The following RALGPS1 variants were observed in gnomAD, a reference collection of about 807,000 sequenced individuals.
RALGPS1 encodes ras-specific guanine nucleotide-releasing factor RalGPS1.
Under a neutral mutation model 78.8 loss-of-function variants are expected in RALGPS1, and 19 were observed. The observed-to-expected ratio is 0.24, with a 90% CI of 0.17 to 0.35. The LOEUF is 0.35. Among genes scored for constraint, RALGPS1 ranks in the 10% least tolerant of loss-of-function variants. RALGPS1 has a pLI of 1.00. For missense variants in RALGPS1, 454 were observed against 688.3 expected, an observed-to-expected ratio of 0.66 and a Z score of 3.81; for synonymous variants, 228 against 256.3, an observed-to-expected ratio of 0.89 and a Z score of 1.06.
At chr9:126,924,220 A>G (rs1055248703) in intron 1 of RALGPS1, among the ~76,000 whole-genome samples, 2 of 152,234 alleles carry the variant, frequency 1.3e-5, no homozygotes, top group Non-Finnish European at 2.9e-5. Context: ...ACGGTGAAGC[A>G]TTTATCCCAG....
At chr9:127,120,333 A>G (rs180706554) in intron 8 of RALGPS1, among the ~76,000 whole-genome samples, 122 of 152,298 alleles carry the variant, frequency 8.0e-4, no homozygotes, top group African/African-American at 2.8e-3. Context: ...ATATGTCTGC[A>G]CTTTTTCTTA....
At chr9:127,064,030 C>A (rs574033213) in intron 7 of RALGPS1, among the ~76,000 whole-genome samples, 1 of 152,224 alleles carries the variant, frequency 6.6e-6, no homozygotes, top group South Asian at 2.1e-4. Context: ...CTCCTGGAGT[C>A]CATAATTTGT....
At chr9:126,985,735 ACTTTTCC>A (rs1477393610) in intron 4 of RALGPS1, among the ~76,000 whole-genome samples, 1 of 152,136 alleles carries the variant, frequency 6.6e-6, no homozygotes, top group Non-Finnish European at 1.5e-5. Context: ...TCTCCCCTGG[ACTTTTCC>A]CTTAAAGGTC....
chr9:126,923,525 G>A (rs2034972097), intron 1 of RALGPS1, among the ~76,000 whole-genome samples: 1 of 152,196 alleles, frequency 6.6e-6, no homozygotes, highest in Non-Finnish European at 1.5e-5. Flanking sequence ...TTGAGGAGTT[G>A]AGTTAAATTT....
At chr9:127,045,285 G>T (rs754849975) in intron 5 of RALGPS1, among the ~76,000 whole-genome samples, 6 of 152,168 alleles carry the variant, frequency 3.9e-5, no homozygotes, top group Admixed American at 3.9e-4. Flanking sequence ...TGTAATAAAA[G>T]AATCTATTAT....
At chr9:126,994,470 A>G (rs887720723) in intron 4 of RALGPS1, among the ~76,000 whole-genome samples, 2 of 152,230 alleles carry the variant, frequency 1.3e-5, no homozygotes, top group Non-Finnish European at 2.9e-5. Flanking sequence ...CAAGAAGAGA[A>G]GTTTAGAGAA....
chr9:127,084,007 C>T (rs1263303327), intron 8 of RALGPS1, among the ~76,000 whole-genome samples: 1 of 152,088 alleles, frequency 6.6e-6, no homozygotes, highest in Non-Finnish European at 1.5e-5. Flanking sequence ...GCCTCCTGGG[C>T]TGAAGTGAGC....
chr9:126,954,866 C>T (rs2038197487), intron 1 of RALGPS1, among the ~76,000 whole-genome samples: 1 of 152,202 alleles, frequency 6.6e-6, no homozygotes, highest in African/African-American at 2.4e-5. Context: ...ACCCCAGCTC[C>T]TCACCATGGC....
intron 8 of RALGPS1, among the ~76,000 whole-genome samples, chr9:127,127,289 C>T (rs2056683898): frequency 6.6e-6 from 1 of 152,172 alleles, no homozygotes; most frequent in Non-Finnish European, 1.5e-5. Context: ...CCACTGATTT[C>T]AAGCAGGTCT....
At position 127,030,391 on chromosome 9, in the gene RALGPS1, G is replaced by C. The variant is rs139258068; in HGVS notation, c.217-4040G>C. 6.3e-3 allele frequency among the ~76,000 whole-genome samples: 960 copies of C among 152,296 alleles called. 9 individuals are homozygous for C. The highest frequency in any genetic ancestry group is 0.01 in the Middle Eastern group (3 of 294). On this transcript the variant is annotated intron_variant, in intron 4 of 18. Transcript: ENST00000259351. ...AGACTAAGAGTGAGGGGCCCGAAAG[G>C]TGGGGAGACAACAGGAGAACACAGT...
intron 1 of RALGPS1, among the ~76,000 whole-genome samples, chr9:126,927,638 C>G (rs2035413362): frequency 1.3e-5 from 2 of 152,210 alleles, no homozygotes; most frequent in Admixed American, 1.3e-4. Flanking sequence ...CAGACAGTCT[C>G]TACCCCCTTC....
chr9:126,972,477 T>C (rs2040209108), intron 3 of RALGPS1, among the ~76,000 whole-genome samples: 1 of 152,208 alleles, frequency 6.6e-6, no homozygotes, highest in Non-Finnish European at 1.5e-5. Context: ...GTAACCCCAG[T>C]GAATGAAAAT....
At chr9:127,019,918 T>G (rs1206790689) in intron 4 of RALGPS1, among the ~76,000 whole-genome samples, 1 of 152,154 alleles carries the variant, frequency 6.6e-6, no homozygotes, top group East Asian at 1.9e-4. Flanking sequence ...TTCTAAGTTG[T>G]TTTTCTCTTT....
intron 3 of RALGPS1, among the ~76,000 whole-genome samples, chr9:126,966,638 C>T (rs533137057): frequency 6.6e-6 from 1 of 150,600 alleles, no homozygotes; most frequent in Non-Finnish European, 1.5e-5. Flanking sequence ...TATAGCCAAA[C>T]ATATTATTTA....
intron 2 of RALGPS1, among the ~76,000 whole-genome samples, chr9:126,965,223 G>A (rs997536298): frequency 6.6e-6 from 1 of 152,156 alleles, no homozygotes; most frequent in Non-Finnish European, 1.5e-5. Context: ...AAGCCAGTTG[G>A]TTACCTCTCA....
At chr9:127,016,310 G>A (rs1589032162) in intron 4 of RALGPS1, among the ~76,000 whole-genome samples, 2 of 152,152 alleles carry the variant, frequency 1.3e-5, no homozygotes, top group Non-Finnish European at 2.9e-5. Context: ...ACTTAATAAC[G>A]TTTTTATGTA....
At chr9:127,026,124 G>T (rs1448758482) in intron 4 of RALGPS1, among the ~76,000 whole-genome samples, 1 of 152,150 alleles carries the variant, frequency 6.6e-6, no homozygotes. Flanking sequence ...ATAATAGGCT[G>T]TCTGCAAGCT....
intron 11 of RALGPS1, among the ~76,000 whole-genome samples, chr9:127,193,433 G>T (rs1275319342): frequency 6.6e-6 from 1 of 152,128 alleles, no homozygotes; most frequent in Non-Finnish European, 1.5e-5. Flanking sequence ...GAAGGAGAAG[G>T]TGCCTGTGCA....
Position 127,218,653 on chromosome 9 carries a change from A to C in RALGPS1, c.1645-87A>C. 1.8e-5 allele frequency: 24 copies of C among 1,367,174 alleles called. No individual in the cohort carries two copies. The highest frequency in any genetic ancestry group is 2.4e-5 in the Non-Finnish European group (23 of 955,202). 84.7% of individuals were successfully genotyped at this position (1,367,174 alleles called of 1,614,324 possible). A position where few individuals can be genotyped will look rare whatever the true frequency, so the allele number is the denominator to read the frequency against. On this transcript the variant is annotated intron_variant, in intron 18 of 18. Coordinates refer to ENST00000259351, the MANE Select transcript of RALGPS1 (RefSeq NM_014636.3). The surrounding 1 kb of genome is among the most constrained non-coding windows in gnomAD (Gnocchi z 4.4). The stretch of plus-strand genomic sequence containing the variant: ...CTGCTCATTCCCAGACTCACGGGGA[A>C]AGGCCTGTCCCTTCCCCTAGGGACC...
Sources: allele counts gnomAD v4.1 joint callset (sites outside exome capture counted in the v4.1 genomes callset), GRCh38; gene constraint gnomAD v4.1.1; non-coding constraint Gnocchi (gnomAD v3.1); transcripts MANE v1.5; gene names NCBI Gene and HGNC (gene_info 2026-07-23, HGNC 2026-07-21).